The following RAPGEF5 variants were observed in gnomAD, a reference collection of about 807,000 sequenced individuals.
The protein encoded by RAPGEF5 is M-Ras-regulated GEF.
RAPGEF5 carries 65 observed loss-of-function variants against 125.2 expected under a neutral mutation model. That is an observed-to-expected ratio of 0.52 (90% CI 0.43 to 0.64). The LOEUF is 0.64. Among genes scored for constraint, RAPGEF5 ranks in the 30% least tolerant of loss-of-function variants. RAPGEF5 has a pLI of 0.00. For synonymous variants in RAPGEF5, 391 were observed against 385.9 expected (o/e 1.01, Z -0.16); for missense variants, 958 against 1,048.1 (o/e 0.91, Z 1.19).
At chr7:22,286,180 C>T (rs1353175211) in intron 6 of RAPGEF5, among the ~76,000 whole-genome samples, 1 of 152,172 alleles carries the variant, frequency 6.6e-6, no homozygotes, top group Non-Finnish European at 1.5e-5. Context: ...CCCACCACCA[C>T]CGGGTTAATG....
At chr7:22,247,956 G>A (rs1786521863) in intron 7 of RAPGEF5, among the ~76,000 whole-genome samples, 1 of 152,118 alleles carries the variant, frequency 6.6e-6, no homozygotes, top group Non-Finnish European at 1.5e-5. Context: ...GGCAACAATA[G>A]ACACTGTAGA....
chr7:22,354,056 C>CA (rs1214506510), intron 1 of RAPGEF5, among the ~76,000 whole-genome samples: 1 of 150,278 alleles, frequency 6.7e-6, no homozygotes, highest in Non-Finnish European at 1.5e-5. Flanking sequence ...GGTGGCAGAG[C>CA]AAAACCCTGT....
Position 22,274,780 on chromosome 7 carries a change from T to C in RAPGEF5, c.748-7768A>G, listed in dbSNP as rs1334937962. The stretch of plus-strand genomic sequence containing the variant: ...CCTACTCAGGCCTCTGTCTCTAATT[T>C]TTCTCTCTCCATCCCACATCATTCT... On this transcript the variant is annotated intron_variant, in intron 6 of 25. Coordinates refer to ENST00000665637, the MANE Select transcript of RAPGEF5 (RefSeq NM_012294.5). Among the ~76,000 whole-genome samples the C allele has an allele frequency of 2.6e-5, 4 of 152,228 alleles. No individual in the cohort carries two copies. In the South Asian group the frequency reaches 8.3e-4, roughly 32 times the overall value.
chr7:22,149,745 T>C (rs543476444), intron 18 of RAPGEF5, among the ~76,000 whole-genome samples: 6 of 152,306 alleles, frequency 3.9e-5, no homozygotes, highest in African/African-American at 1.4e-4. Context: ...CAAGGGACTC[T>C]TTCTCCTTAA....
chr7:22,247,105 A>G (rs796852324), intron 7 of RAPGEF5, among the ~76,000 whole-genome samples: 48 of 152,312 alleles, frequency 3.2e-4, no homozygotes, highest in African/African-American at 1.1e-3. Flanking sequence ...TGCAGAGAAA[A>G]GGGAATGCTT....
intron 1 of RAPGEF5, among the ~76,000 whole-genome samples, chr7:22,334,656 C>A (rs1490372864): frequency 6.6e-6 from 1 of 152,216 alleles, no homozygotes; most frequent in East Asian, 1.9e-4. Flanking sequence ...ATTTACCAAC[C>A]ACTGATCTAC....
rs1344030737 is a variant in RAPGEF5 at position 22,286,751 on chromosome 7, G to C, written c.747+4424C>G. On this transcript the variant is annotated intron_variant, in intron 6 of 25. Coordinates refer to ENST00000665637, the MANE Select transcript of RAPGEF5 (RefSeq NM_012294.5). ...ACTTCCCCGTATTTACTTTAGGTTT[G>C]AGCAAGCAGACCCCTGGGTTGTAAT... is the stretch of plus-strand genomic sequence containing the variant. Among the ~76,000 whole-genome samples the C allele has an allele frequency of 3.9e-5, 6 of 152,148 alleles. No individual in the cohort carries two copies. In the East Asian group the frequency reaches 1.2e-3, roughly 29 times the overall value.
chr7:22,214,274 G>A (rs995974733), intron 9 of RAPGEF5, among the ~76,000 whole-genome samples: 6 of 152,152 alleles, frequency 3.9e-5, no homozygotes, highest in Middle Eastern at 3.2e-3. Flanking sequence ...AAAGGGGAAG[G>A]AAGTAGGGTG....
intron 9 of RAPGEF5, among the ~76,000 whole-genome samples, chr7:22,201,975 C>A (rs894363309): frequency 1.3e-5 from 2 of 152,018 alleles, no homozygotes; most frequent in Non-Finnish European, 2.9e-5. Flanking sequence ...CATGGCCTGG[C>A]AAATGATGGA....
intron 21 of RAPGEF5, among the ~76,000 whole-genome samples, chr7:22,138,987 A>T (rs908854784): frequency 1.6e-4 from 24 of 152,068 alleles, no homozygotes; most frequent in African/African-American, 5.1e-4. Context: ...CGGGGCTTTC[A>T]TTTCTTTTCT....
At chr7:22,313,903 T>C (rs1490233258) in intron 3 of RAPGEF5, among the ~76,000 whole-genome samples, 2 of 152,228 alleles carry the variant, frequency 1.3e-5, no homozygotes, top group African/African-American at 4.8e-5. Context: ...CCTGTCTACT[T>C]GGTCTGGGCT....
At position 22,122,380 on chromosome 7, in the gene RAPGEF5, A is replaced by G; in HGVS notation, c.*26T>C. ...ATTCCCGTAGCTCAAAGTGCTGCAG[A>G]TACAGGGGAGGTGAGGCAGTGGGGC... On this transcript the variant is annotated 3_prime_UTR_variant, in exon 26 of 26. Transcript: ENST00000665637. 1 of 1,546,620 alleles carries G rather than the reference A, an allele frequency of 6.5e-7. No homozygotes were observed. Among genetic ancestry groups the G allele is most frequent in the Non-Finnish European group, 8.9e-7 (1 of 1,120,172 alleles).
chr7:22,176,086 T>C (rs1330987322), intron 11 of RAPGEF5, among the ~76,000 whole-genome samples: 1 of 152,062 alleles, frequency 6.6e-6, no homozygotes, highest in Admixed American at 6.6e-5. Flanking sequence ...ACAATCACAG[T>C]AGGGGATGAA....
intron 25 of RAPGEF5, 54 bp from the exon 26 acceptor site, chr7:22,122,575 C>G: frequency 7.5e-7 from 1 of 1,336,346 alleles, no homozygotes; most frequent in Non-Finnish European, 1.1e-6. Context: ...AATGCTGTAT[C>G]TACATACCAA....
intron 9 of RAPGEF5, among the ~76,000 whole-genome samples, chr7:22,210,717 G>C (rs1399956042): frequency 1.3e-5 from 2 of 152,130 alleles, no homozygotes; most frequent in Non-Finnish European, 2.9e-5. Context: ...ACAAGGATTT[G>C]TTAAAATGGT....
chr7:22,267,452 T>C (rs1469838601), intron 6 of RAPGEF5, among the ~76,000 whole-genome samples: 1 of 152,200 alleles, frequency 6.6e-6, no homozygotes, highest in Admixed American at 6.5e-5. Flanking sequence ...CCTGGTTTAA[T>C]TGGACCTCTG....
At chr7:22,184,926 CTCTT>C (rs1784784021) in intron 11 of RAPGEF5, among the ~76,000 whole-genome samples, 1 of 152,180 alleles carries the variant, frequency 6.6e-6, no homozygotes, top group South Asian at 2.1e-4. Context: ...GGACCTCTCT[CTCTT>C]TCTCTCTCCT....
At chr7:22,210,065 A>G (rs1359812344) in intron 9 of RAPGEF5, among the ~76,000 whole-genome samples, 1 of 152,212 alleles carries the variant, frequency 6.6e-6, no homozygotes, top group Non-Finnish European at 1.5e-5. Context: ...TGCCAGTTTT[A>G]GAAATAAAGT....
chr7:22,127,366 G>C (rs1182362106), intron 24 of RAPGEF5, among the ~76,000 whole-genome samples: 1 of 152,180 alleles, frequency 6.6e-6, no homozygotes. Context: ...ATGTACAGCT[G>C]CTTTGGACAA....
Sources: gnomAD v4.1 joint callset for allele counts (sites outside exome capture counted in the v4.1 genomes callset) on GRCh38, gnomAD v4.1.1 for gene constraint, MANE v1.5 for transcripts, NCBI Gene and HGNC (gene_info 2026-07-23, HGNC 2026-07-21) for gene names.